LRRC7: variants seen among roughly 807,000 people sequenced by gnomAD.
The protein encoded by LRRC7 is leucine rich repeat containing 7, also known as leucine-rich repeat-containing protein 7.
Under a neutral mutation model 175.7 loss-of-function variants are expected in LRRC7, and 23 were observed. That is an observed-to-expected ratio of 0.13 (90% CI 0.09 to 0.19). The LOEUF is 0.19. LRRC7 is among the 10% of genes least tolerant of loss of function. The probability of loss-of-function intolerance (pLI) is 1.00; values close to 1 mark genes in which losing one functional copy is unlikely to be tolerated. For missense variants in LRRC7, 1,354 were observed against 1,904.7 expected, an observed-to-expected ratio of 0.71 and a Z score of 5.38; for synonymous variants, 685 against 680.9, an observed-to-expected ratio of 1.01 and a Z score of -0.09.
chr1:70,021,272 T>A, intron 16 of LRRC7, 143 bp downstream of exon 16: 1 of 739,576 alleles, frequency 1.4e-6, no homozygotes, highest in Admixed American at 3.1e-5. Context: ...TGCTGGTAGT[T>A]CTGGAAGCAT....
intron 2 of LRRC7, among the ~76,000 whole-genome samples, chr1:69,692,581 C>A (rs551258394): frequency 1.3e-5 from 2 of 152,248 alleles, no homozygotes; most frequent in East Asian, 1.9e-4. Context: ...CATTCTAAAC[C>A]AAGGCCTTGA....
intron 7 of LRRC7, among the ~76,000 whole-genome samples, chr1:69,849,475 A>T (rs555091304): frequency 6.6e-6 from 1 of 152,186 alleles, no homozygotes; most frequent in Admixed American, 6.6e-5. Context: ...CTTATACTAA[A>T]TATAACTTAA....
chr1:69,991,928 A>G (rs1229880389), intron 10 of LRRC7, among the ~76,000 whole-genome samples: 2 of 152,102 alleles, frequency 1.3e-5, no homozygotes, highest in African/African-American at 2.4e-5. Flanking sequence ...GCTTCTTTGG[A>G]TAGCAGAGAA....
At chr1:69,808,755 C>G (rs1175881751) in intron 4 of LRRC7, among the ~76,000 whole-genome samples, 2 of 151,982 alleles carry the variant, frequency 1.3e-5, no homozygotes, top group Non-Finnish European at 2.9e-5. Context: ...TGGGACACAG[C>G]TAAGGCAGTG....
At position 69,898,662 on chromosome 1, in the gene LRRC7, ACTGCTGCTG is replaced by A. The variant is rs35234345; in HGVS notation, c.648-32824_648-32816del. Among the ~76,000 whole-genome samples, 254 of 150,878 alleles carry A rather than the reference ACTGCTGCTG, an allele frequency of 1.7e-3. 2 individuals are homozygous for A. Among genetic ancestry groups the A allele is most frequent in the Admixed American group, 3.4e-3 (51 of 15,118 alleles). On this transcript the variant is annotated intron_variant, in intron 7 of 26. Transcript: ENST00000651989. ...GCTTGCAGTTTCTGTTGCTATCATC[ACTGCTGCTG>A]CTGCTGCTGCTGCTGCTGCTCAAAT... is the stretch of plus-strand genomic sequence containing the variant.
At chr1:69,923,052 G>A (rs1360775705) in intron 7 of LRRC7, among the ~76,000 whole-genome samples, 1 of 151,928 alleles carries the variant, frequency 6.6e-6, no homozygotes, top group African/African-American at 2.4e-5. Flanking sequence ...CCACCTATGA[G>A]TGAGAACATG....
intron 4 of LRRC7, among the ~76,000 whole-genome samples, chr1:69,804,784 C>T (rs551936187): frequency 1.3e-5 from 2 of 151,762 alleles, no homozygotes; most frequent in South Asian, 2.1e-4. Flanking sequence ...GAGATGAATA[C>T]ATTTCATGAT....
At chr1:69,664,898 T>C (rs950370054) in intron 1 of LRRC7, among the ~76,000 whole-genome samples, 1 of 152,224 alleles carries the variant, frequency 6.6e-6, no homozygotes, top group African/African-American at 2.4e-5. Context: ...TCCTGGAGAA[T>C]TTCTTCAATG....
chr1:70,123,458 G>A lies in LRRC7; in HGVS notation c.*1571G>A, dbSNP rs1422801761. On this transcript the variant is annotated 3_prime_UTR_variant, in exon 27 of 27. Transcript: ENST00000651989. ...CATTGAAAATATTGTATTTTTGTAG[G>A]GTCTATTAAAATGAGTGTCACTTAT... 1 of 151,888 alleles carries A rather than the reference G, an allele frequency of 6.6e-6. No individual in the cohort carries two copies. Among genetic ancestry groups the A allele is most frequent in the East Asian group, 1.9e-4 (1 of 5,182 alleles). The allele number at this position is 151,888 out of a possible 1,614,324, so 9.4% of individuals were successfully genotyped here.
chr1:69,666,280 G>GT (rs1340839395), intron 1 of LRRC7, among the ~76,000 whole-genome samples: 1 of 152,038 alleles, frequency 6.6e-6, no homozygotes, highest in Admixed American at 6.5e-5. Flanking sequence ...CTGGCTGATA[G>GT]TTTTCTCTAT....
intron 2 of LRRC7, among the ~76,000 whole-genome samples, chr1:69,704,528 T>A (rs1570430668): frequency 6.6e-6 from 1 of 152,148 alleles, no homozygotes; most frequent in East Asian, 1.9e-4. Flanking sequence ...TATTTATGGC[T>A]ATTCACAATT....
chr1:69,906,705 C>T (rs1229305264), intron 7 of LRRC7, among the ~76,000 whole-genome samples: 2 of 152,196 alleles, frequency 1.3e-5, no homozygotes, highest in African/African-American at 4.8e-5. Flanking sequence ...ATGCCTCCAG[C>T]TTTGTTCTTT....
intron 2 of LRRC7, among the ~76,000 whole-genome samples, chr1:69,692,806 T>G (rs142281706): frequency 6.6e-6 from 1 of 152,260 alleles, no homozygotes; most frequent in African/African-American, 2.4e-5. Context: ...GGCTAAACAT[T>G]ATTTCCAGGT....
intron 7 of LRRC7, among the ~76,000 whole-genome samples, chr1:69,905,696 T>C (rs1291315801): frequency 6.6e-6 from 1 of 152,204 alleles, no homozygotes; most frequent in South Asian, 2.1e-4. Flanking sequence ...TTTGCTATTG[T>C]GAATAGTGCT....
intron 2 of LRRC7, among the ~76,000 whole-genome samples, chr1:69,752,329 A>G (rs1344788088): frequency 6.6e-6 from 1 of 152,192 alleles, no homozygotes; most frequent in African/African-American, 2.4e-5. Flanking sequence ...GACTGTGCCA[A>G]CTAATGAGGA....
chr1:69,655,058 A>G (rs543130294), intron 1 of LRRC7, among the ~76,000 whole-genome samples: 1 of 152,220 alleles, frequency 6.6e-6, no homozygotes, highest in East Asian at 1.9e-4. Context: ...TCCAACCAGT[A>G]GGCAAATTAA....
At position 69,717,803 on chromosome 1, in the gene LRRC7, AAAG is replaced by A. The variant is rs1665603988; in HGVS notation, c.100+39328_100+39330del. ...GAAAGAAAGAAAGAAAGAAAGAAAGAAAGAAAGAAAGAAAGAAAGAAAGAAAGA... is the reference window on the plus strand; with the variant it reads ...GAAAGAAAGAAAGAAAGAAAGAAAGAAAAGAAAGAAAGAAAGAAAGAAAGA... On this transcript the variant is annotated intron_variant, in intron 2 of 26. Coordinates refer to ENST00000651989, the MANE Select transcript of LRRC7 (RefSeq NM_001370785.2). 9.9e-5 allele frequency among the ~76,000 whole-genome samples: 4 copies of A among 40,202 alleles called. 1 individual carries two copies. The highest frequency in any genetic ancestry group is 5.7e-4 in the African/African-American group (4 of 7,024). The allele number at this position is 40,202 out of a possible 152,430, so 26.4% of individuals were successfully genotyped here. A position where few individuals can be genotyped will look rare whatever the true frequency, so the allele number is the denominator to read the frequency against.
chr1:69,622,069 C>A (rs750843829), intron 1 of LRRC7, among the ~76,000 whole-genome samples: 4 of 152,156 alleles, frequency 2.6e-5, no homozygotes, highest in African/African-American at 9.7e-5. Flanking sequence ...GTAACTTCCT[C>A]GAACAAAGAA....
At chr1:70,017,103 C>A (rs756861604) in intron 14 of LRRC7, among the ~76,000 whole-genome samples, 1 of 151,952 alleles carries the variant, frequency 6.6e-6, no homozygotes, top group Non-Finnish European at 1.5e-5. Flanking sequence ...TGTGGTGAAA[C>A]CCTGTCTCTA....
Sources: gnomAD v4.1 joint callset for allele counts (sites outside exome capture counted in the v4.1 genomes callset) on GRCh38, gnomAD v4.1.1 for gene constraint, MANE v1.5 for transcripts, NCBI Gene and HGNC (gene_info 2026-07-23, HGNC 2026-07-21) for gene names.